TENM2: variants seen among roughly 807,000 people sequenced by gnomAD.
The protein encoded by TENM2 is teneurin transmembrane protein 2.
Under a neutral mutation model 245.2 loss-of-function variants are expected in TENM2, and 52 were observed. That is an observed-to-expected ratio of 0.21 (90% CI 0.17 to 0.27). The LOEUF is 0.27. Ranked by LOEUF, TENM2 falls within the 10% of genes least tolerant of loss-of-function variation. The probability of loss-of-function intolerance (pLI) is 1.00; values close to 1 mark genes in which losing one functional copy is unlikely to be tolerated. For missense variants in TENM2, 3,046 were observed against 3,666.8 expected (o/e 0.83, Z 4.37); for synonymous variants, 1,363 against 1,438.9 (o/e 0.95, Z 1.19).
chr5:167,395,452 T>C (rs1039632844), intron 2 of TENM2, among the ~76,000 whole-genome samples: 4 of 152,180 alleles, frequency 2.6e-5, no homozygotes, highest in African/African-American at 9.6e-5. Flanking sequence ...GAAACGGCGA[T>C]AGCATTACTT....
At chr5:167,603,994 A>G (rs1776841654) in intron 2 of TENM2, among the ~76,000 whole-genome samples, 1 of 152,210 alleles carries the variant, frequency 6.6e-6, no homozygotes, top group African/African-American at 2.4e-5. Flanking sequence ...CCCATTTAAT[A>G]AACAGCTGCC....
chr5:167,407,257 T>A (rs1051326625), intron 2 of TENM2, among the ~76,000 whole-genome samples: 1 of 152,096 alleles, frequency 6.6e-6, no homozygotes, highest in Admixed American at 6.6e-5. Context: ...AGAACCAGAC[T>A]AAAAATATAA....
chr5:167,279,559 T>TTCCTTCCTTCCTTCCTTCCG, the TENM2 span, among the ~76,000 whole-genome samples: 1 of 148,580 alleles, frequency 6.7e-6, no homozygotes, highest in Non-Finnish European at 1.5e-5. Flanking sequence ...CCTTCCTTCC[T>TTCCTTCCTTCCTTCCTTCCG]TCCTTCCTTC....
intron 2 of TENM2, among the ~76,000 whole-genome samples, chr5:167,578,897 G>A (rs1774892641): frequency 6.6e-6 from 1 of 152,146 alleles, no homozygotes; most frequent in Non-Finnish European, 1.5e-5. Flanking sequence ...TTCACGATGA[G>A]AAGGAGCAAA....
chr5:167,294,189 C>A (rs10475839), intron 1 of TENM2: 29,026 of 151,976 alleles, frequency 0.19, 3,834 homozygotes, highest in East Asian at 0.38. Flanking sequence ...ACCATCAATC[C>A]CCAGGGCTTG....
intron 2 of TENM2, among the ~76,000 whole-genome samples, chr5:167,726,422 C>T (rs974769812): frequency 6.6e-6 from 1 of 152,086 alleles, no homozygotes; most frequent in East Asian, 1.9e-4. Flanking sequence ...GGCGAGGCCC[C>T]TTCTCACCCC....
At chr5:167,801,501 G>A (rs1219766429) in intron 2 of TENM2, among the ~76,000 whole-genome samples, 4 of 151,992 alleles carry the variant, frequency 2.6e-5, no homozygotes, top group Non-Finnish European at 4.4e-5. Context: ...ATGAACAGAA[G>A]GCTACAGGAT....
chr5:167,759,805 C>A (rs1414416652), intron 2 of TENM2, among the ~76,000 whole-genome samples: 3 of 152,162 alleles, frequency 2.0e-5, no homozygotes, highest in African/African-American at 7.2e-5. Flanking sequence ...GATGTTCCTA[C>A]AACAATAATT....
intron 2 of TENM2, among the ~76,000 whole-genome samples, chr5:167,604,173 A>G (rs1042336694): frequency 1.3e-5 from 2 of 152,234 alleles, no homozygotes; most frequent in East Asian, 1.9e-4. Context: ...AGATCTTTCA[A>G]TCTTGTTTAC....
At chr5:167,589,715 T>C (rs2127702910) in intron 2 of TENM2, among the ~76,000 whole-genome samples, 1 of 152,162 alleles carries the variant, frequency 6.6e-6, no homozygotes, top group East Asian at 1.9e-4. Context: ...ATTTAAAAAA[T>C]AAAGATTGTT....
At chr5:168,261,191 C>T (rs1415826932) in intron 28 of TENM2, among the ~76,000 whole-genome samples, 2 of 152,156 alleles carry the variant, frequency 1.3e-5, no homozygotes, top group Non-Finnish European at 2.9e-5. Flanking sequence ...CAAACGCAGC[C>T]TCTCCCATTA....
At chr5:167,108,722 A>T in the TENM2 span, among the ~76,000 whole-genome samples, 1 of 152,268 alleles carries the variant, frequency 6.6e-6, no homozygotes, top group African/African-American at 2.4e-5. Context: ...CAAAAGCACC[A>T]TTCCCATATG....
intron 2 of TENM2, among the ~76,000 whole-genome samples, chr5:167,583,421 A>T (rs904890579): frequency 6.6e-6 from 1 of 150,814 alleles, no homozygotes; most frequent in South Asian, 2.1e-4. Flanking sequence ...AAATAAAACA[A>T]TAGGAGGTGA....
At chr5:167,118,316 A>G in the TENM2 span, among the ~76,000 whole-genome samples, 1 of 152,230 alleles carries the variant, frequency 6.6e-6, no homozygotes, top group African/African-American at 2.4e-5. Context: ...AGACGGACTT[A>G]GAGATGAATT....
intron 2 of TENM2, among the ~76,000 whole-genome samples, chr5:167,800,153 C>G (rs760018479): frequency 1.3e-5 from 2 of 152,214 alleles, no homozygotes; most frequent in Non-Finnish European, 2.9e-5. Context: ...AATGTGCATG[C>G]ATTTGTTTCT....
At chr5:168,224,415 AC>A (rs1763964801) in intron 23 of TENM2, among the ~76,000 whole-genome samples, 1 of 152,156 alleles carries the variant, frequency 6.6e-6, no homozygotes. Flanking sequence ...CAGCTTTCAA[AC>A]TTCTGCAGAG....
the TENM2 span, among the ~76,000 whole-genome samples, chr5:167,208,122 G>A: frequency 6.6e-6 from 1 of 152,178 alleles, no homozygotes; most frequent in Non-Finnish European, 1.5e-5. Context: ...TTTGTAATGT[G>A]TAATCAACTT....
At chr5:167,841,760 G>A (rs1032054916) in intron 2 of TENM2, among the ~76,000 whole-genome samples, 1 of 151,838 alleles carries the variant, frequency 6.6e-6, no homozygotes, top group Non-Finnish European at 1.5e-5. Flanking sequence ...TCTAGTCCAG[G>A]GTTCATTTCA....
intron 2 of TENM2, among the ~76,000 whole-genome samples, chr5:167,509,661 G>A (rs748476605): frequency 6.6e-6 from 1 of 152,154 alleles, no homozygotes; most frequent in African/African-American, 2.4e-5. Flanking sequence ...TATTATTAGC[G>A]ATAATAGTAA....
Sources: allele counts gnomAD v4.1 joint callset (sites outside exome capture counted in the v4.1 genomes callset), GRCh38; gene constraint gnomAD v4.1.1; transcripts MANE v1.5; gene names NCBI Gene and HGNC (gene_info 2026-07-23, HGNC 2026-07-21).